PRR5: variants seen among roughly 807,000 people sequenced by gnomAD.
PRR5 encodes the protein proline rich 5, also known as proline-rich protein 5.
A neutral mutation model predicts 30.6 loss-of-function variants in PRR5; 25 were observed. The observed-to-expected ratio is 0.82, with a 90% CI of 0.60 to 1.14. The LOEUF (loss-of-function observed/expected upper bound fraction) is 1.14. PRR5 is among the 50% of genes most tolerant of loss of function. The pLI, the probability that PRR5 is intolerant of heterozygous loss-of-function variation, is 0.00. For synonymous variants in PRR5, 286 were observed against 247.1 expected, an observed-to-expected ratio of 1.16 and a Z score of -1.48; for missense variants, 600 against 547.1, an observed-to-expected ratio of 1.10 and a Z score of -0.96.
intron 2 of PRR5, 49 bp downstream of exon 2, chr22:44,714,720 G>A: frequency 6.2e-7 from 1 of 1,606,944 alleles, no homozygotes; most frequent in Non-Finnish European, 8.5e-7. Context: ...GGCAGGGAGG[G>A]CTAGGCCCAG....
In PRR5 at chr22:44,702,312, G is replaced by C; in HGVS notation, c.-163G>C. 1 of 1,148,228 alleles carries C rather than the reference G, an allele frequency of 8.7e-7. No individual in the cohort carries two copies. The highest frequency in any genetic ancestry group is 1.1e-6 in the Non-Finnish European group (1 of 927,936). 71.1% of individuals were successfully genotyped at this position (1,148,228 alleles called of 1,614,324 possible). A position where few individuals can be genotyped will look rare whatever the true frequency, so the allele number is the denominator to read the frequency against. On this transcript the variant is annotated 5_prime_UTR_variant, in exon 1 of 8. Transcript: ENST00000336985. The stretch of plus-strand genomic sequence containing the variant: ...GGCGGCCGGCGCGGGACCCGAGACG[G>C]AGGCGCGGGGCCGGGGCGGGACCCC...
At chr22:44,733,915 C>G (rs1403903821) in intron 6 of PRR5, among the ~76,000 whole-genome samples, 2 of 152,188 alleles carry the variant, frequency 1.3e-5, no homozygotes, top group Non-Finnish European at 2.9e-5. Context: ...AGTGGCCTCC[C>G]ACAGCCATCC....
intron 1 of PRR5, among the ~76,000 whole-genome samples, chr22:44,684,129 TAAAC>T (rs751675458): frequency 1.3e-5 from 2 of 152,232 alleles, no homozygotes; most frequent in East Asian, 3.9e-4. Flanking sequence ...GCTTTTCAGT[TAAAC>T]AAGCCACCTG....
intron 2 of PRR5, among the ~76,000 whole-genome samples, chr22:44,720,294 T>C (rs898048293): frequency 6.6e-6 from 1 of 152,246 alleles, no homozygotes; most frequent in Non-Finnish European, 1.5e-5. Flanking sequence ...AATCCCGGAC[T>C]GGGCAGGCCC....
chr22:44,680,174 G>T (rs1924146884), intron 1 of PRR5, among the ~76,000 whole-genome samples: 2 of 152,210 alleles, frequency 1.3e-5, no homozygotes, highest in Non-Finnish European at 2.9e-5. Flanking sequence ...GCCCTTTAGG[G>T]TCACAGGGTC....
upstream of PRR5, among the ~76,000 whole-genome samples, chr22:44,675,762 G>GTTGTTATTATTA (rs1555894616): frequency 5.0e-4 from 72 of 142,962 alleles, no homozygotes; most frequent in African/African-American, 1.7e-3. Flanking sequence ...TGTTGCTGTT[G>GTTGTTATTATTA]TTATTATTAT....
intron 1 of PRR5, among the ~76,000 whole-genome samples, chr22:44,677,687 T>G (rs1186629059): frequency 6.6e-6 from 1 of 152,164 alleles, no homozygotes; most frequent in Non-Finnish European, 1.5e-5. Context: ...CTAGGGGAGC[T>G]TATGCCACGG....
intron 1 of PRR5, among the ~76,000 whole-genome samples, chr22:44,694,924 A>T (rs540074331): frequency 6.6e-6 from 1 of 152,242 alleles, no homozygotes; most frequent in South Asian, 2.1e-4. Context: ...TAATCCTAGC[A>T]CTTTGAGAGG....
chr22:44,702,870 C>T (rs1926568802), intron 1 of PRR5, among the ~76,000 whole-genome samples: 3 of 152,182 alleles, frequency 2.0e-5, no homozygotes, highest in South Asian at 2.1e-4. Context: ...GGGTGGGCGG[C>T]GGGGTGGGCC....
chr22:44,716,493 C>T (rs1408843568), intron 2 of PRR5, among the ~76,000 whole-genome samples: 2 of 151,934 alleles, frequency 1.3e-5, no homozygotes, highest in Non-Finnish European at 2.9e-5. Flanking sequence ...CTGAACATGA[C>T]AAGACACCTT....
upstream of PRR5, among the ~76,000 whole-genome samples, chr22:44,675,053 C>G (rs955338846): frequency 7.3e-5 from 11 of 150,240 alleles, 1 homozygote. Flanking sequence ...TGGAGACCAT[C>G]CTGGCTAACA....
chr22:44,693,480 C>G (rs1925463781), intron 1 of PRR5, among the ~76,000 whole-genome samples: 2 of 148,058 alleles, frequency 1.4e-5, no homozygotes, highest in South Asian at 4.2e-4. Context: ...GTCAGCAGAG[C>G]CAAGAATCCT....
chr22:44,683,773 C>A (rs947061630), intron 1 of PRR5, among the ~76,000 whole-genome samples: 1 of 152,240 alleles, frequency 6.6e-6, no homozygotes, highest in Admixed American at 6.5e-5. Context: ...GGCTCATTAG[C>A]TACATCCTAA....
At chr22:44,704,585 C>T (rs1465811123) in intron 1 of PRR5, among the ~76,000 whole-genome samples, 1 of 152,108 alleles carries the variant, frequency 6.6e-6, no homozygotes, top group Non-Finnish European at 1.5e-5. Flanking sequence ...CCTACATCAG[C>T]TCCCACCACC....
chr22:44,736,949 C>G lies in PRR5; in HGVS notation c.869C>G (p.Pro290Arg), dbSNP rs1410601340. 3 of 1,605,360 alleles carry G rather than the reference C, an allele frequency of 1.9e-6. No individual in the cohort carries two copies. Among genetic ancestry groups the G allele is most frequent in the Non-Finnish European group, 1.7e-6 (2 of 1,177,296 alleles). The change falls in exon 8 of 8, where the codon CCC (proline) becomes CGC (arginine). Residue 290 changes from proline to arginine, a missense_variant. By Grantham distance (103) the Pro-to-Arg change is moderately radical (BLOSUM62 -2). Coordinates refer to ENST00000336985, the MANE Select transcript of PRR5 (RefSeq NM_181333.4). ...TCTGTGTCGGAGATGACGTCCTGCC[C>G]CGAGCCTCAGGGCTTCTCCGACCCG... ...RHSVSEMTSC[P>R]EPQGFSDPPG...
intron 7 of PRR5, among the ~76,000 whole-genome samples, chr22:44,735,582 T>A (rs132408): frequency 0.87 from 132,097 of 152,244 alleles, 57,609 homozygotes; most frequent in African/African-American, 0.95. Context: ...CCGGGACTGC[T>A]TGGCGCGTCC....
chr22:44,697,679 C>T (rs1242654745), upstream of PRR5, among the ~76,000 whole-genome samples: 1 of 152,224 alleles, frequency 6.6e-6, no homozygotes, highest in Non-Finnish European at 1.5e-5. Flanking sequence ...GGCCGTGCCC[C>T]GGGGAGAGTG....
chr22:44,696,213 C>T (rs893288581), intron 1 of PRR5, among the ~76,000 whole-genome samples: 1 of 152,106 alleles, frequency 6.6e-6, no homozygotes, highest in Non-Finnish European at 1.5e-5. Flanking sequence ...CATGAGCCAC[C>T]GCGTCCAGCC....
At chr22:44,720,288 CCG>C in intron 2 of PRR5, among the ~76,000 whole-genome samples, 2 of 152,216 alleles carry the variant, frequency 1.3e-5, no homozygotes, top group Non-Finnish European at 2.9e-5. Flanking sequence ...TCCCACAATC[CCG>C]GACTGGGCAG....
Sources: allele counts gnomAD v4.1 joint callset (sites outside exome capture counted in the v4.1 genomes callset), GRCh38; gene constraint gnomAD v4.1.1; transcripts MANE v1.5; gene names NCBI Gene and HGNC (gene_info 2026-07-23, HGNC 2026-07-21).